Variants in MACROD2 observed in about 807,000 individuals in gnomAD.
MACROD2 encodes the protein mono-ADP ribosylhydrolase 2.
MACROD2 carries 36 observed loss-of-function variants against 70.4 expected under a neutral mutation model. The ratio of observed to expected loss-of-function variants is 0.51; its 90% CI spans 0.39 to 0.68. The LOEUF (loss-of-function observed/expected upper bound fraction) is 0.68. Ranked by LOEUF, MACROD2 falls within the 30% of genes least tolerant of loss-of-function variation. The pLI is 0.00. For synonymous variants in MACROD2, 172 were observed against 178.8 expected (o/e 0.96, Z 0.30); for missense variants, 496 against 538.4 (o/e 0.92, Z 0.78).
chr20:14,133,299 C>T (rs1379118835), intron 3 of MACROD2, among the ~76,000 whole-genome samples: 1 of 152,150 alleles, frequency 6.6e-6, no homozygotes, highest in East Asian at 1.9e-4. Flanking sequence ...TAATTTACAA[C>T]CTTTGATATT....
intron 4 of MACROD2, among the ~76,000 whole-genome samples, chr20:14,538,125 C>T (rs1432560727): frequency 2.6e-5 from 4 of 152,068 alleles, no homozygotes; most frequent in African/African-American, 7.2e-5. Flanking sequence ...TATAATGATC[C>T]CATTTTAAAA....
intron 5 of MACROD2, among the ~76,000 whole-genome samples, chr20:15,037,005 TAA>T (rs936930287): frequency 1.3e-5 from 2 of 152,060 alleles, no homozygotes; most frequent in Admixed American, 1.3e-4. Flanking sequence ...ATGTTTTTAA[TAA>T]GTTTTTTATT....
chr20:14,711,425 G>A (rs564642248), intron 5 of MACROD2, among the ~76,000 whole-genome samples: 1 of 152,270 alleles, frequency 6.6e-6, no homozygotes, highest in Non-Finnish European at 1.5e-5. Context: ...CGAAGGCAAG[G>A]TGTAGAAATT....
At chr20:15,073,957 A>G (rs1203694563) in intron 5 of MACROD2, among the ~76,000 whole-genome samples, 1 of 152,214 alleles carries the variant, frequency 6.6e-6, no homozygotes, top group African/African-American at 2.4e-5. Flanking sequence ...AAAAATTATA[A>G]CAAATGGCAT....
In MACROD2 at chr20:15,137,284, C is replaced by T. The variant is rs550177296; in HGVS notation, c.419-92656C>T. Among the ~76,000 whole-genome samples the T allele has an allele frequency of 1.4e-4, 21 of 151,884 alleles. No homozygotes were observed. The East Asian group carries it at 3.3e-3, about 24-fold the overall frequency. On this transcript the variant is annotated intron_variant, in intron 5 of 17. Transcript: ENST00000684519. ...CGTATGTTTATTGCGGCACTATTCA[C>T]GATAGCAAAGACTTGGAACCAACCC...
chr20:15,914,304 T>A (rs2065280047), intron 10 of MACROD2, among the ~76,000 whole-genome samples: 2 of 152,056 alleles, frequency 1.3e-5, no homozygotes, highest in Admixed American at 1.3e-4. Flanking sequence ...CTTTGGGAGG[T>A]GAAGGTCATT....
intron 3 of MACROD2, among the ~76,000 whole-genome samples, chr20:14,362,630 A>G (rs1021567659): frequency 1.3e-5 from 2 of 152,166 alleles, no homozygotes; most frequent in Non-Finnish European, 2.9e-5. Context: ...ACGAAAACCA[A>G]ACTTGCATCC....
chr20:14,671,969 T>C (rs1286501468), intron 4 of MACROD2, among the ~76,000 whole-genome samples: 1 of 152,206 alleles, frequency 6.6e-6, no homozygotes, highest in Non-Finnish European at 1.5e-5. Flanking sequence ...AGCTATATTG[T>C]TTTTCCTCCC....
intron 5 of MACROD2, among the ~76,000 whole-genome samples, chr20:14,800,444 G>A (rs1391711109): frequency 6.6e-6 from 1 of 152,066 alleles, no homozygotes; most frequent in East Asian, 1.9e-4. Flanking sequence ...GATTTTATGG[G>A]TGAAAATCAT....
Position 14,682,411 on chromosome 20 carries a change from A to G in MACROD2, c.302-2432A>G, listed in dbSNP as rs1032302677. 6.6e-5 allele frequency among the ~76,000 whole-genome samples: 10 copies of G among 151,486 alleles called. No homozygotes were observed. The East Asian group carries it at 9.7e-4, about 15-fold the overall frequency. On this transcript the variant is annotated intron_variant, in intron 4 of 17. Transcript: ENST00000684519. ...GCATATATTTTCAGTACATATATATATGTGTGTGTGCTGAATATATATATA... is the reference window on the plus strand; with the variant it reads ...GCATATATTTTCAGTACATATATATGTGTGTGTGTGCTGAATATATATATA...
chr20:15,166,139 A>G (rs1479264653), intron 5 of MACROD2, among the ~76,000 whole-genome samples: 2 of 152,194 alleles, frequency 1.3e-5, no homozygotes, highest in African/African-American at 4.8e-5. Flanking sequence ...CTGGAGTGAT[A>G]AAATGTTCTA....
intron 8 of MACROD2, among the ~76,000 whole-genome samples, chr20:15,666,218 A>G (rs1170221095): frequency 6.6e-6 from 1 of 152,206 alleles, no homozygotes; most frequent in East Asian, 1.9e-4. Flanking sequence ...ATAATGTGAA[A>G]CTGAGTGTTA....
chr20:15,556,379 A>G (rs1205906655), intron 8 of MACROD2, among the ~76,000 whole-genome samples: 1 of 151,396 alleles, frequency 6.6e-6, no homozygotes, highest in African/African-American at 2.4e-5. Flanking sequence ...ATACTAAGAC[A>G]TCTGGTTTTT....
intron 8 of MACROD2, among the ~76,000 whole-genome samples, chr20:15,558,733 A>G (rs2048201771): frequency 6.6e-6 from 1 of 152,254 alleles, no homozygotes; most frequent in South Asian, 2.1e-4. Context: ...GTTAGGAAAG[A>G]AAACTTCAGG....
intron 5 of MACROD2, among the ~76,000 whole-genome samples, chr20:14,961,619 C>A (rs1025848099): frequency 6.6e-6 from 1 of 152,086 alleles, no homozygotes; most frequent in African/African-American, 2.4e-5. Context: ...CCTAGACCTC[C>A]TGGGCTCAAA....
intron 6 of MACROD2, among the ~76,000 whole-genome samples, chr20:15,367,463 G>C (rs1254354278): frequency 6.6e-6 from 1 of 151,950 alleles, no homozygotes; most frequent in Admixed American, 6.6e-5. Flanking sequence ...TTCTTCAGTG[G>C]TATCAATTTG....
intron 5 of MACROD2, among the ~76,000 whole-genome samples, chr20:14,940,417 C>T (rs2074380361): frequency 6.6e-6 from 1 of 152,104 alleles, no homozygotes; most frequent in African/African-American, 2.4e-5. Context: ...AGTGCTTTGG[C>T]CATGACTTCT....
intron 8 of MACROD2, among the ~76,000 whole-genome samples, chr20:15,841,219 G>A (rs1568591123): frequency 6.6e-6 from 1 of 152,146 alleles, no homozygotes; most frequent in Non-Finnish European, 1.5e-5. Flanking sequence ...GGCAGAGAAT[G>A]ATCAAGGGCC....
intron 6 of MACROD2, among the ~76,000 whole-genome samples, chr20:15,251,093 T>G (rs1056219156): frequency 7.2e-5 from 11 of 152,128 alleles, no homozygotes; most frequent in African/African-American, 2.4e-4. Context: ...GGAATGGAAT[T>G]TTAGTTCCAA....
Sources: gnomAD v4.1 joint callset for allele counts (sites outside exome capture counted in the v4.1 genomes callset) on GRCh38, gnomAD v4.1.1 for gene constraint, MANE v1.5 for transcripts, NCBI Gene and HGNC (gene_info 2026-07-23, HGNC 2026-07-21) for gene names.